Variants in NAXD observed in about 807,000 individuals in gnomAD.
NAXD encodes ATP-dependent (S)-NAD(P)H-hydrate dehydratase.
A neutral mutation model predicts 35.8 loss-of-function variants in NAXD; 22 were observed. The observed-to-expected ratio is 0.62, with a 90% CI of 0.44 to 0.88. The LOEUF (loss-of-function observed/expected upper bound fraction) is 0.88. Among genes scored for constraint, NAXD ranks in the 40% least tolerant of loss-of-function variants. The pLI is 0.00. For missense variants in NAXD, 428 were observed against 437.7 expected (o/e 0.98, Z 0.20); for synonymous variants, 189 against 177.6 (o/e 1.06, Z -0.51).
intron 5 of NAXD, among the ~76,000 whole-genome samples, chr13:110,631,170 C>T (rs958418304): frequency 6.6e-6 from 1 of 152,192 alleles, no homozygotes; most frequent in African/African-American, 2.4e-5. Flanking sequence ...GACCAATGCA[C>T]CTGTCCTCAC....
At chr13:110,636,901 G>A (rs1193692924) in intron 8 of NAXD, among the ~76,000 whole-genome samples, 1 of 152,206 alleles carries the variant, frequency 6.6e-6, no homozygotes, top group Non-Finnish European at 1.5e-5. Context: ...CGGGGTCTGG[G>A]GCAGCCTCAC....
chr13:110,616,669 T>G (rs1886069750), intron 1 of NAXD, among the ~76,000 whole-genome samples: 1 of 152,248 alleles, frequency 6.6e-6, no homozygotes, highest in Non-Finnish European at 1.5e-5. Flanking sequence ...TATTGGTGTA[T>G]CTAACATATT....
At chr13:110,627,124 G>A (rs370932628) in intron 4 of NAXD, among the ~76,000 whole-genome samples, 1 of 152,232 alleles carries the variant, frequency 6.6e-6, no homozygotes, top group African/African-American at 2.4e-5. Flanking sequence ...TTTGGGTCCT[G>A]ACATGGGAAG....
At position 110,616,652 on chromosome 13, in the gene NAXD, T is replaced by G. The variant is rs1886069026; in HGVS notation, c.46+1005T>G. Reference sequence around the variant, plus strand: ...GGGTTTTTTTGTCTTTCTGTTTGCCTTGTTGGTATTGGTGTATCTAACATA... The same window carrying G: ...GGGTTTTTTTGTCTTTCTGTTTGCCGTGTTGGTATTGGTGTATCTAACATA... On this transcript the variant is annotated intron_variant, in intron 1 of 9. Coordinates refer to ENST00000680254, the MANE Select transcript of NAXD (RefSeq NM_001242882.2). 1.3e-5 allele frequency among the ~76,000 whole-genome samples: 2 copies of G among 152,362 alleles called. 1 individual carries two copies. The highest frequency in any genetic ancestry group is 4.1e-4 in the South Asian group (2 of 4,828).
intron 2 of NAXD, among the ~76,000 whole-genome samples, chr13:110,623,294 C>T (rs1458402187): frequency 2.0e-5 from 3 of 152,218 alleles, no homozygotes; most frequent in African/African-American, 7.2e-5. Flanking sequence ...GCCCAGGTCT[C>T]TCTTTCTTGG....
At chr13:110,615,913 G>A in intron 1 of NAXD, 1 of 667,154 alleles carries the variant, frequency 1.5e-6, no homozygotes, top group Non-Finnish European at 2.1e-6. Context: ...ACGGCGCGGC[G>A]ACGGCTGGGC....
At chr13:110,626,654 G>C (rs911458984) in intron 4 of NAXD, among the ~76,000 whole-genome samples, 4 of 152,160 alleles carry the variant, frequency 2.6e-5, no homozygotes, top group Admixed American at 2.6e-4. Context: ...TGAAGCCGCT[G>C]TTTCCAGACA....
At chr13:110,635,425 G>A in intron 7 of NAXD, 43 bp from the exon 8 acceptor site, 2 of 1,604,250 alleles carry the variant, frequency 1.2e-6, no homozygotes, top group Non-Finnish European at 1.7e-6. Context: ...TCGTGTGTCT[G>A]AGGAAGACTT....
At chr13:110,637,883 C>G (rs898593414) in intron 9 of NAXD, 13 of 485,370 alleles carry the variant, frequency 2.7e-5, no homozygotes, top group African/African-American at 2.5e-4. Flanking sequence ...ATCCCCCAAA[C>G]TAGGTGTGTC....
intron 3 of NAXD, 79 bp from the exon 4 acceptor site, chr13:110,625,111 G>A (rs1045422167): frequency 3.9e-6 from 4 of 1,025,936 alleles, no homozygotes; most frequent in Non-Finnish European, 6.1e-6. Flanking sequence ...TGAGTAATGA[G>A]CGCTGGACGC....
In NAXD at chr13:110,638,618, C is replaced by T. The variant is rs559110680; in HGVS notation, c.*90C>T. 69 of 1,436,738 alleles carry T rather than the reference C, an allele frequency of 4.8e-5. No homozygotes were observed. Among genetic ancestry groups the T allele is most frequent in the Non-Finnish European group, 6.0e-5 (62 of 1,029,228 alleles). 89.0% of individuals were successfully genotyped at this position (1,436,738 alleles called of 1,614,324 possible). A position where few individuals can be genotyped will look rare whatever the true frequency, so the allele number is the denominator to read the frequency against. ...TCCGGACCCACGCGTGTGCTGAAGG[C>T]GTACGGTGCTTGCCAGATTTTCAAC... On this transcript the variant is annotated 3_prime_UTR_variant, in exon 10 of 10. Coordinates refer to ENST00000680254, the MANE Select transcript of NAXD (RefSeq NM_001242882.2). The surrounding 1 kb of genome is among the most constrained non-coding windows in gnomAD (Gnocchi z 5.4).
chr13:110,635,318 C>T, intron 7 of NAXD, 150 bp from the exon 8 acceptor site: 3 of 860,198 alleles, frequency 3.5e-6, no homozygotes, highest in Non-Finnish European at 3.6e-6. Context: ...ATATCCTGGG[C>T]ATCCTCCCAC....
In NAXD at chr13:110,628,524, G is replaced by T. The variant is rs1172985798; in HGVS notation, c.441+977G>T. 6.6e-6 allele frequency among the ~76,000 whole-genome samples: 1 copy of T among 152,172 alleles called. No homozygotes were observed. Among genetic ancestry groups the T allele is most frequent in the Non-Finnish European group, 1.5e-5 (1 of 68,016 alleles). ...TGTTGGGTGCTTAGTTAATGGAGGG[G>T]TCTCTGAGGCTGCGGGGCTTGAAGG... is the stretch of plus-strand genomic sequence containing the variant. On this transcript the variant is annotated intron_variant, in intron 5 of 9. Coordinates refer to ENST00000680254, the MANE Select transcript of NAXD (RefSeq NM_001242882.2). The surrounding 1 kb of genome is among the most constrained non-coding windows in gnomAD (Gnocchi z 4.1).
At position 110,625,225 on chromosome 13, in the gene NAXD, G is replaced by A. The variant is rs527988471; in HGVS notation, c.279G>A (p.Ala93=). The A allele has an allele frequency of 3.4e-5, 55 of 1,613,954 alleles. 1 individual carries two copies. The highest frequency in any genetic ancestry group is 2.3e-4 in the South Asian group (21 of 91,080). The change falls in exon 4 of 10, where the codon GCG becomes GCA. Residue 93 remains alanine, a synonymous_variant. Coordinates refer to ENST00000680254, the MANE Select transcript of NAXD (RefSeq NM_001242882.2). ...TGTCCCACGTGTTCTGTGCCAGTGC[G>A]GCCGCACCTGTGATTAAGGCCTACA... ...ADLSHVFCAS[A]AAPVIKAYSP...
intron 1 of NAXD, 153 bp downstream of exon 1, chr13:110,615,800 T>G: frequency 7.6e-7 from 1 of 1,309,176 alleles, no homozygotes; most frequent in East Asian, 3.1e-5. Flanking sequence ...CCGCCTCTGC[T>G]GGCTCGCGGG....
At position 110,629,764 on chromosome 13, in the gene NAXD, C is replaced by T. The variant is rs561143734; in HGVS notation, c.441+2217C>T. Among the ~76,000 whole-genome samples the T allele has an allele frequency of 5.3e-5, 8 of 152,262 alleles. No homozygotes were observed. The South Asian group carries it at 1.7e-3, about 32-fold the overall frequency. ...TTTTGTGTGGATGTGTTTTCACTCT[C>T]CTGGGTGTTAAGTGTTTCACATTTT... On this transcript the variant is annotated intron_variant, in intron 5 of 9. Transcript: ENST00000680254.
chr13:110,639,224 C>CGGCGA lies in NAXD; in HGVS notation c.*696_*697insGGCGA. 4 of 159,032 alleles carry CGGCGA rather than the reference C, an allele frequency of 2.5e-5. No individual in the cohort carries two copies. The highest frequency in any genetic ancestry group is 1.8e-4 in the South Asian group (1 of 5,558). The allele number at this position is 159,032 out of a possible 1,614,324, so 9.9% of individuals were successfully genotyped here. ...TGGGGAGCTCTGAGACGCCTCCTGT[C>CGGCGA]CCACGCTCTCCGGTGTCCGTGTCTA... On this transcript the variant is annotated 3_prime_UTR_variant, in exon 10 of 10. Transcript: ENST00000680254.
intron 9 of NAXD, chr13:110,637,856 T>A: frequency 2.1e-6 from 1 of 474,586 alleles, no homozygotes; most frequent in South Asian, 1.5e-5. Flanking sequence ...ATTGCCGGGA[T>A]GGCAGAGTCT....
chr13:110,635,144 C>G (rs948450502), intron 7 of NAXD, among the ~76,000 whole-genome samples: 1 of 152,164 alleles, frequency 6.6e-6, no homozygotes, highest in Non-Finnish European at 1.5e-5. Context: ...TGGTAAGTGT[C>G]CCATCAATGT....
Sources: allele counts gnomAD v4.1 joint callset (sites outside exome capture counted in the v4.1 genomes callset), GRCh38; gene constraint gnomAD v4.1.1; non-coding constraint Gnocchi (gnomAD v3.1); transcripts MANE v1.5; gene names NCBI Gene and HGNC (gene_info 2026-07-23, HGNC 2026-07-21).